The following G3BP2 variants were observed in gnomAD, a reference collection of about 807,000 sequenced individuals.
G3BP2 encodes the protein ras GTPase-activating protein-binding protein 2.
Under a neutral mutation model 56.7 loss-of-function variants are expected in G3BP2, and 11 were observed. The ratio of observed to expected loss-of-function variants is 0.19; its 90% CI spans 0.12 to 0.32. The LOEUF is 0.32. Ranked by LOEUF, G3BP2 falls within the 10% of genes least tolerant of loss-of-function variation. G3BP2 has a pLI of 1.00. For synonymous variants in G3BP2, 165 were observed against 191.6 expected (o/e 0.86, Z 1.15); for missense variants, 340 against 610.9 (o/e 0.56, Z 4.67).
At chr4:75,676,806 C>G (rs1045994352), upstream of G3BP2, among the ~76,000 whole-genome samples, 5 of 152,140 alleles carry the variant, frequency 3.3e-5, no homozygotes, top group African/African-American at 4.8e-5. Flanking sequence ...TTGAGATGGT[C>G]CCAAAACCTT....
intron 2 of G3BP2, among the ~76,000 whole-genome samples, chr4:75,721,519 A>C (rs1244635784): frequency 6.6e-6 from 1 of 152,178 alleles, no homozygotes; most frequent in Non-Finnish European, 1.5e-5. Context: ...TGGCCTCCCA[A>C]AGTGCTGGGA....
At chr4:75,656,281 C>T (rs6828587) in intron 5 of G3BP2, among the ~76,000 whole-genome samples, 22,973 of 144,170 alleles carry the variant, frequency 0.16, 2,366 homozygotes, top group African/African-American at 0.31. Context: ...CATGAGCCAC[C>T]GCGCTCGGCT....
At chr4:75,720,515 A>T (rs1051526191) in intron 3 of G3BP2, among the ~76,000 whole-genome samples, 2 of 150,860 alleles carry the variant, frequency 1.3e-5, no homozygotes, top group African/African-American at 2.4e-5. Context: ...AAAAAAAAAA[A>T]AAATATTTTG....
chr4:75,716,498 T>G (rs901089642), intron 3 of G3BP2, among the ~76,000 whole-genome samples: 2 of 148,498 alleles, frequency 1.3e-5, no homozygotes, highest in Non-Finnish European at 3.0e-5. Context: ...TGTTTTTTTT[T>G]GTTTTTCTTT....
At chr4:75,681,723 C>T (rs1734080159) in intron 3 of G3BP2, among the ~76,000 whole-genome samples, 1 of 151,672 alleles carries the variant, frequency 6.6e-6, no homozygotes, top group South Asian at 2.1e-4. Flanking sequence ...GTGGTGTGTG[C>T]CTGTAGTCCC....
chr4:75,685,345 A>G (rs973015278), intron 3 of G3BP2, among the ~76,000 whole-genome samples: 1 of 152,006 alleles, frequency 6.6e-6, no homozygotes, highest in African/African-American at 2.4e-5. Context: ...TACTAAAAAC[A>G]CAAAAATTAA....
intron 8 of G3BP2, among the ~76,000 whole-genome samples, chr4:75,649,724 T>C (rs1560611246): frequency 6.6e-6 from 1 of 152,168 alleles, no homozygotes; most frequent in African/African-American, 2.4e-5. Flanking sequence ...GTAATTTCAG[T>C]CCCATCTTTA....
intron 8 of G3BP2, 142 bp from the exon 9 acceptor site, chr4:75,648,883 A>G: frequency 1.8e-6 from 1 of 544,814 alleles, no homozygotes; most frequent in Non-Finnish European, 3.3e-6. Flanking sequence ...TATGTATGAG[A>G]AAAATAAATT....
chr4:75,658,428 T>C (rs1484139619), intron 3 of G3BP2, among the ~76,000 whole-genome samples: 1 of 139,438 alleles, frequency 7.2e-6, no homozygotes, highest in African/African-American at 2.6e-5. Flanking sequence ...ACAATCATAT[T>C]GGGGAAAAAA....
intron 1 of G3BP2, among the ~76,000 whole-genome samples, chr4:75,664,460 C>G (rs1418649566): frequency 6.6e-6 from 1 of 151,688 alleles, no homozygotes; most frequent in Non-Finnish European, 1.5e-5. Flanking sequence ...CCTGTAGTCC[C>G]AGCTACTTGG....
chr4:75,645,747 G>A, intron 11 of G3BP2, 45 bp from the exon 12 acceptor site: 2 of 1,550,262 alleles, frequency 1.3e-6, no homozygotes, highest in Non-Finnish European at 1.8e-6. Context: ...AGGTTAGACA[G>A]CAATAGAAAT....
At chr4:75,694,225 T>C (rs370719602) in intron 3 of G3BP2, among the ~76,000 whole-genome samples, 5 of 152,226 alleles carry the variant, frequency 3.3e-5, no homozygotes, top group East Asian at 1.9e-4. Context: ...AAATAGCACA[T>C]TGATAAGTTT....
At chr4:75,681,671 G>A (rs1238576217) in intron 3 of G3BP2, among the ~76,000 whole-genome samples, 1 of 151,180 alleles carries the variant, frequency 6.6e-6, no homozygotes, top group Non-Finnish European at 1.5e-5. Flanking sequence ...CCAACATGGC[G>A]AACCCTGTCT....
chr4:75,665,013 G>A (rs900633754), intron 1 of G3BP2, among the ~76,000 whole-genome samples: 3 of 152,194 alleles, frequency 2.0e-5, no homozygotes, highest in Admixed American at 2.0e-4. Context: ...AAAATAAAAA[G>A]TCAATTTCCA....
intron 3 of G3BP2, chr4:75,694,788 T>C (rs1339557121): frequency 2.0e-6 from 2 of 985,900 alleles, no homozygotes; most frequent in Non-Finnish European, 2.4e-6. Context: ...ACTATGTCTT[T>C]ATACCTTACC....
Position 75,697,273 on chromosome 4 carries a change from C to CAAAAAAAAAAAAAAAA in G3BP2, c.-25+23588_-25+23603dup, listed in dbSNP as rs869037819. 7.1e-3 allele frequency among the ~76,000 whole-genome samples: 203 copies of CAAAAAAAAAAAAAAAA among 28,758 alleles called. 14 individuals are homozygous for CAAAAAAAAAAAAAAAA. Among genetic ancestry groups the CAAAAAAAAAAAAAAAA allele is most frequent in the Non-Finnish European group, 9.2e-3 (158 of 17,096 alleles). 18.9% of individuals were successfully genotyped at this position (28,758 alleles called of 152,430 possible). ...TGGCTGACAGAGCGAGACTCTGTCTCAAAAAAAAAAAAAAAAAAAAAAAAA... is the reference window on the plus strand; with the variant it reads ...TGGCTGACAGAGCGAGACTCTGTCTCAAAAAAAAAAAAAAAAAAAAAAAAAAAAAAAAAAAAAAAAA... On this transcript the variant is annotated intron_variant, in intron 3 of 3. Transcript: ENST00000499709.
chr4:75,652,779 C>T (rs777610172), intron 8 of G3BP2, among the ~76,000 whole-genome samples: 6 of 152,272 alleles, frequency 3.9e-5, no homozygotes, highest in Non-Finnish European at 7.3e-5. Flanking sequence ...ATAGTACCCA[C>T]CCTGACAGGG....
intron 3 of G3BP2, among the ~76,000 whole-genome samples, chr4:75,684,197 C>A (rs914302809): frequency 1.6e-4 from 24 of 151,902 alleles, no homozygotes; most frequent in African/African-American, 5.8e-4. Context: ...TGAGGTCAAG[C>A]GTTTGAGACC....
upstream of G3BP2, among the ~76,000 whole-genome samples, chr4:75,677,629 C>G (rs1053361888): frequency 6.6e-6 from 1 of 151,846 alleles, no homozygotes; most frequent in African/African-American, 2.4e-5. Context: ...GGGTCACACA[C>G]CCCACATAAA....
Sources: allele counts gnomAD v4.1 joint callset (sites outside exome capture counted in the v4.1 genomes callset), GRCh38; gene constraint gnomAD v4.1.1; transcripts MANE v1.5; gene names NCBI Gene and HGNC (gene_info 2026-07-23, HGNC 2026-07-21).